DNER: variants seen among roughly 807,000 people sequenced by gnomAD.
DNER encodes the protein delta/notch like EGF repeat containing.
In DNER, 33 loss-of-function variants were observed where a neutral mutation model predicts 78.2. The ratio of observed to expected loss-of-function variants is 0.42; its 90% CI spans 0.32 to 0.56. DNER has a LOEUF of 0.56. Ranked by LOEUF, DNER falls within the 20% of genes least tolerant of loss-of-function variation. The pLI is 0.11. For synonymous variants in DNER, 417 were observed against 384.8 expected (o/e 1.08, Z -0.98); for missense variants, 918 against 975.3 (o/e 0.94, Z 0.78).
chr2:229,663,004 G>T (rs916455917), intron 1 of DNER, among the ~76,000 whole-genome samples: 13 of 152,092 alleles, frequency 8.5e-5, no homozygotes, highest in African/African-American at 3.1e-4. Context: ...TCTAAGATTG[G>T]GTGCTCCTCG....
At chr2:229,582,807 T>C (rs1303451121) in intron 4 of DNER, among the ~76,000 whole-genome samples, 5 of 151,908 alleles carry the variant, frequency 3.3e-5, no homozygotes, top group Admixed American at 3.3e-4. Context: ...GCCCGGCTAA[T>C]TTCTTGTATT....
Position 229,497,156 on chromosome 2 carries a change from A to C in DNER, c.1147+15627T>G, listed in dbSNP as rs148118742. 3.4e-3 allele frequency among the ~76,000 whole-genome samples: 515 copies of C among 152,338 alleles called. 2 individuals carry two copies. In the Middle Eastern group the frequency reaches 0.037, roughly 11 times the overall value. ...AACTGATAACAGGAAGCATTTTAGA[A>C]AATTTAGAAATATATGAAAATTAAG... On this transcript the variant is annotated intron_variant, in intron 6 of 12. Coordinates refer to ENST00000341772, the MANE Select transcript of DNER (RefSeq NM_139072.4).
intron 1 of DNER, among the ~76,000 whole-genome samples, chr2:229,656,231 A>G (rs1698910003): frequency 6.6e-6 from 1 of 152,226 alleles, no homozygotes; most frequent in Non-Finnish European, 1.5e-5. Flanking sequence ...GGAAACAGGT[A>G]TCATCCACAT....
At position 229,358,277 on chromosome 2, in the gene DNER, T is replaced by C. The variant is rs1302102497; in HGVS notation, c.*263A>G. The C allele has an allele frequency of 4.2e-6, 1 of 238,584 alleles. No homozygotes were observed. Among genetic ancestry groups the C allele is most frequent in the African/African-American group, 2.3e-5 (1 of 44,086 alleles). The allele number at this position is 238,584 out of a possible 1,614,324, so 14.8% of individuals were successfully genotyped here. A position where few individuals can be genotyped will look rare whatever the true frequency, so the allele number is the denominator to read the frequency against. On this transcript the variant is annotated 3_prime_UTR_variant, in exon 13 of 13. Transcript: ENST00000341772. ...GAAATTAATCTGGGTCTCGTGATAG[T>C]GTCTACAGTGAAAAGAGCACACACT...
At chr2:229,501,582 A>G (rs576751889) in intron 6 of DNER, among the ~76,000 whole-genome samples, 14 of 152,196 alleles carry the variant, frequency 9.2e-5, no homozygotes, top group Non-Finnish European at 1.6e-4. Flanking sequence ...CCTTGTGTCA[A>G]GACAACAATC....
chr2:229,453,966 A>C (rs1172524877), intron 7 of DNER, among the ~76,000 whole-genome samples: 1 of 151,874 alleles, frequency 6.6e-6, no homozygotes, highest in Non-Finnish European at 1.5e-5. Context: ...CCAGGAGAGA[A>C]AGGTGTCACT....
At chr2:229,505,848 T>C (rs1446130029) in intron 6 of DNER, among the ~76,000 whole-genome samples, 1 of 152,226 alleles carries the variant, frequency 6.6e-6, no homozygotes, top group Non-Finnish European at 1.5e-5. Flanking sequence ...TCTAATTTCA[T>C]ATTATTTCAT....
At chr2:229,421,684 A>C (rs1184826692) in intron 8 of DNER, among the ~76,000 whole-genome samples, 1 of 150,806 alleles carries the variant, frequency 6.6e-6, no homozygotes, top group Non-Finnish European at 1.5e-5. Context: ...GAGAGTAAAA[A>C]TATATACATA....
intron 6 of DNER, among the ~76,000 whole-genome samples, chr2:229,494,941 A>C (rs1217154822): frequency 1.3e-5 from 2 of 152,170 alleles, no homozygotes; most frequent in Non-Finnish European, 2.9e-5. Flanking sequence ...GCTTCTGCTG[A>C]GATTGCTGAT....
intron 1 of DNER, among the ~76,000 whole-genome samples, chr2:229,619,659 G>A (rs1484637824): frequency 1.3e-5 from 2 of 152,144 alleles, no homozygotes; most frequent in African/African-American, 2.4e-5. Flanking sequence ...ATAGTGTACT[G>A]AGGGACCATT....
chr2:229,681,302 A>G (rs930752616), intron 1 of DNER, among the ~76,000 whole-genome samples: 1 of 152,166 alleles, frequency 6.6e-6, no homozygotes, highest in African/African-American at 2.4e-5. Context: ...AGACCACCCC[A>G]AGGTTCTAAC....
chr2:229,700,852 C>G, intron 1 of DNER, among the ~76,000 whole-genome samples: 1 of 149,042 alleles, frequency 6.7e-6, no homozygotes, highest in East Asian at 2.0e-4. Flanking sequence ...ACCCAGGAGC[C>G]ACTGCACTCC....
chr2:229,628,282 A>T (rs1318910258), intron 1 of DNER, among the ~76,000 whole-genome samples: 3 of 152,196 alleles, frequency 2.0e-5, no homozygotes, highest in Non-Finnish European at 4.4e-5. Context: ...CATCAAAGTC[A>T]TATATCCACA....
intron 7 of DNER, among the ~76,000 whole-genome samples, chr2:229,456,916 A>G (rs1292724559): frequency 6.6e-6 from 1 of 152,006 alleles, no homozygotes; most frequent in African/African-American, 2.4e-5. Context: ...AAAGAAGCCA[A>G]AAAGAAAAAA....
chr2:229,417,369 C>T (rs1559346008), intron 9 of DNER, among the ~76,000 whole-genome samples: 1 of 152,182 alleles, frequency 6.6e-6, no homozygotes, highest in Non-Finnish European at 1.5e-5. Context: ...AAAATCTAAA[C>T]CCGGCCCCGT....
chr2:229,443,634 T>G (rs1476100276), intron 8 of DNER, among the ~76,000 whole-genome samples: 2 of 152,346 alleles, frequency 1.3e-5, no homozygotes, highest in Non-Finnish European at 2.9e-5. Flanking sequence ...CAAAATGGCA[T>G]TTTGTCAGAT....
Position 229,714,176 on chromosome 2 carries a change from G to A in DNER, c.248C>T (p.Pro83Leu), listed in dbSNP as rs1037436947. 7.5e-7 allele frequency: 1 copy of A among 1,340,222 alleles called. No individual in the cohort carries two copies. Among genetic ancestry groups the A allele is most frequent in the Non-Finnish European group, 9.5e-7 (1 of 1,051,148 alleles). The allele number at this position is 1,340,222 out of a possible 1,614,324, so 83.0% of individuals were successfully genotyped here. Residue 83 changes from proline to leucine, a missense_variant, in exon 1 of 13, where the codon CCC becomes CTC. Coordinates refer to ENST00000341772, the MANE Select transcript of DNER (RefSeq NM_139072.4). ...AGEPGYSCTC[P>L]AGISGANCQL... is the part of the protein sequence containing the mutation. ...GCAGTTGGCGCCGGAGATCCCGGCG[G>A]GGCAGGTGCAGCTGTAGCCAGGCTC...
intron 1 of DNER, among the ~76,000 whole-genome samples, chr2:229,612,598 C>T (rs1036640415): frequency 2.0e-5 from 3 of 152,214 alleles, no homozygotes; most frequent in Non-Finnish European, 4.4e-5. Context: ...TTCCAGAAGC[C>T]TCGCTGCGGA....
chr2:229,408,120 A>G (rs1693430336), intron 9 of DNER, among the ~76,000 whole-genome samples: 1 of 152,112 alleles, frequency 6.6e-6, no homozygotes, highest in Admixed American at 6.6e-5. Flanking sequence ...AAAAATCTGT[A>G]AAGTAAAACA....
Sources: gnomAD v4.1 joint callset for allele counts (sites outside exome capture counted in the v4.1 genomes callset) on GRCh38, gnomAD v4.1.1 for gene constraint, MANE v1.5 for transcripts, NCBI Gene and HGNC (gene_info 2026-07-23, HGNC 2026-07-21) for gene names.